ARHGEF38: variants seen among roughly 807,000 people sequenced by gnomAD.
ARHGEF38 encodes the protein Rho guanine nucleotide exchange factor (GEF) 38.
ARHGEF38 carries 79 observed loss-of-function variants against 79.9 expected under a neutral mutation model. The ratio of observed to expected loss-of-function variants is 0.99; its 90% CI spans 0.82 to 1.19. ARHGEF38 has a LOEUF of 1.19. Among genes scored for constraint, ARHGEF38 ranks in the 50% most tolerant of loss-of-function variants. ARHGEF38 has a pLI of 0.00. For synonymous variants in ARHGEF38, 366 were observed against 328.3 expected (o/e 1.11, Z -1.24); for missense variants, 962 against 907.2 (o/e 1.06, Z -0.78).
At chr4:105,640,505 C>T (rs1729575490) in intron 5 of ARHGEF38, among the ~76,000 whole-genome samples, 1 of 152,108 alleles carries the variant, frequency 6.6e-6, no homozygotes, top group Non-Finnish European at 1.5e-5. Flanking sequence ...AGAGCCCCTT[C>T]CAGAGTCTCC....
At chr4:105,590,140 A>AAAAGAAAG (rs148409765) in intron 2 of ARHGEF38, among the ~76,000 whole-genome samples, 46 of 145,042 alleles carry the variant, frequency 3.2e-4, no homozygotes, top group African/African-American at 1.2e-3. Context: ...AGAAAGAAAA[A>AAAAGAAAG]AAAGAAAGAA....
chr4:105,597,052 C>A (rs952930432), intron 2 of ARHGEF38, among the ~76,000 whole-genome samples: 3 of 152,156 alleles, frequency 2.0e-5, no homozygotes, highest in Non-Finnish European at 2.9e-5. Context: ...CTCAGACCCC[C>A]AACTTGTCCA....
intron 1 of ARHGEF38, among the ~76,000 whole-genome samples, chr4:105,557,241 A>G (rs987541725): frequency 2.6e-5 from 4 of 152,138 alleles, no homozygotes; most frequent in Non-Finnish European, 5.9e-5. Context: ...GTATATATAT[A>G]TATCTCCAGT....
At chr4:105,619,216 G>T (rs1325267823) in intron 3 of ARHGEF38, among the ~76,000 whole-genome samples, 1 of 151,784 alleles carries the variant, frequency 6.6e-6, no homozygotes, top group Non-Finnish European at 1.5e-5. Flanking sequence ...TTTGATCAAT[G>T]AAATGAGGCA....
At chr4:105,630,038 A>G (rs1229413420) in intron 3 of ARHGEF38, among the ~76,000 whole-genome samples, 1 of 152,158 alleles carries the variant, frequency 6.6e-6, no homozygotes, top group African/African-American at 2.4e-5. Flanking sequence ...ATAAATTAAC[A>G]AAAAATTGCT....
chr4:105,613,357 T>C, intron 2 of ARHGEF38, 27 bp from the exon 3 acceptor site: 2 of 1,606,604 alleles, frequency 1.2e-6, no homozygotes, highest in Non-Finnish European at 8.5e-7. Flanking sequence ...TGCTTCTCCA[T>C]CAGCTCAATG....
intron 1 of ARHGEF38, among the ~76,000 whole-genome samples, chr4:105,582,107 G>A (rs897917475): frequency 2.0e-5 from 3 of 147,602 alleles, no homozygotes; most frequent in Non-Finnish European, 4.4e-5. Flanking sequence ...GGAGGTTACA[G>A]TGAGCCAAAA....
In ARHGEF38 at chr4:105,648,848, T is replaced by TTTC. The variant is rs1560746674; in HGVS notation, c.1008+167_1008+168insTCT. ...TCTCTCTCTCTCTCTCTCTCTCTCT[T>TTTC]TCTCTCTCTCTCTCTCTCTCTCTGG... On this transcript the variant is annotated intron_variant, in intron 7 of 13. Coordinates refer to ENST00000420470, the MANE Select transcript of ARHGEF38 (RefSeq NM_001242729.2). Among the ~76,000 whole-genome samples the TTTC allele has an allele frequency of 6.3e-4, 68 of 108,640 alleles. 1 individual carries two copies. The highest frequency in any genetic ancestry group is 2.3e-3 in the African/African-American group (41 of 18,026). The allele number at this position is 108,640 out of a possible 152,430, so 71.3% of individuals were successfully genotyped here.
chr4:105,669,419 A>G (rs1303961418), intron 13 of ARHGEF38, among the ~76,000 whole-genome samples: 1 of 152,220 alleles, frequency 6.6e-6, no homozygotes, highest in African/African-American at 2.4e-5. Flanking sequence ...TTGTATGAGT[A>G]TATAAGTGTA....
Position 105,661,474 on chromosome 4 carries a change from TTTATTATTATTATTATTATTA to T in ARHGEF38, c.1545+2133_1545+2153del, listed in dbSNP as rs140964351. Among the ~76,000 whole-genome samples the T allele has an allele frequency of 4.3e-4, 61 of 141,784 alleles. 1 individual carries two copies. The highest frequency in any genetic ancestry group is 1.5e-3 in the African/African-American group (57 of 38,784). 93.0% of individuals were successfully genotyped at this position (141,784 alleles called of 152,430 possible). On this transcript the variant is annotated intron_variant, in intron 10 of 13. Transcript: ENST00000420470. ...GAGAGTTTCAATTTCTCCACACCTC[TTTATTATTATTATTATTATTA>T]TTATTATTATTATTATTATTATTGT...
intron 3 of ARHGEF38, among the ~76,000 whole-genome samples, chr4:105,622,159 T>G (rs570052603): frequency 6.6e-6 from 1 of 152,218 alleles, no homozygotes; most frequent in South Asian, 2.1e-4. Context: ...ACAGTTCTGA[T>G]TTCTGAGGAG....
At chr4:105,570,322 T>A (rs886223363) in intron 1 of ARHGEF38, 1 of 152,216 alleles carries the variant, frequency 6.6e-6, no homozygotes, top group Non-Finnish European at 1.5e-5. Context: ...ATTGCAGTAA[T>A]AGTGTATAAT....
At chr4:105,657,051 TGATAGATAGATA>T (rs150437901) in intron 9 of ARHGEF38, among the ~76,000 whole-genome samples, 5 of 151,194 alleles carry the variant, frequency 3.3e-5, no homozygotes, top group African/African-American at 9.7e-5. Context: ...GATAGATAGA[TGATAGATAGATA>T]GATAGATAGA....
chr4:105,643,852 G>C (rs918857377), intron 5 of ARHGEF38, among the ~76,000 whole-genome samples: 1 of 149,402 alleles, frequency 6.7e-6, no homozygotes, highest in African/African-American at 2.5e-5. Flanking sequence ...GAATTAGATG[G>C]TCTCTAAGAT....
chr4:105,607,496 C>T (rs1011087348), intron 2 of ARHGEF38, among the ~76,000 whole-genome samples: 1 of 151,880 alleles, frequency 6.6e-6, no homozygotes, highest in African/African-American at 2.4e-5. Flanking sequence ...GTGTTAGACA[C>T]AGTAGAGTAC....
At chr4:105,681,616 A>G (rs569214708), downstream of ARHGEF38, among the ~76,000 whole-genome samples, 1 of 152,300 alleles carries the variant, frequency 6.6e-6, no homozygotes, top group East Asian at 1.9e-4. Context: ...CAAGTAAGAC[A>G]ACAACGCAGA....
At chr4:105,611,426 A>G (rs939710621) in intron 2 of ARHGEF38, among the ~76,000 whole-genome samples, 2 of 152,034 alleles carry the variant, frequency 1.3e-5, no homozygotes, top group African/African-American at 4.8e-5. Context: ...TTTAATTAAT[A>G]CCCAACACAT....
chr4:105,679,921 A>G lies in ARHGEF38; in HGVS notation c.*1984A>G. 7.1e-7 allele frequency: 1 copy of G among 1,399,834 alleles called. No homozygotes were observed. The highest frequency in any genetic ancestry group is 1.0e-6 in the Non-Finnish European group (1 of 989,464). 86.7% of individuals were successfully genotyped at this position (1,399,834 alleles called of 1,614,324 possible). A position where few individuals can be genotyped will look rare whatever the true frequency, so the allele number is the denominator to read the frequency against. On this transcript the variant is annotated 3_prime_UTR_variant, in exon 14 of 14. Coordinates refer to ENST00000420470, the MANE Select transcript of ARHGEF38 (RefSeq NM_001242729.2). ...CATTGGTTGCCACCAAAACTTTATAATTACCTCTCTGAAGCCTTTTAGTGT... is the reference window on the plus strand; with the variant it reads ...CATTGGTTGCCACCAAAACTTTATAGTTACCTCTCTGAAGCCTTTTAGTGT...
chr4:105,651,989 A>G (rs1366326524), intron 7 of ARHGEF38, among the ~76,000 whole-genome samples: 3 of 152,208 alleles, frequency 2.0e-5, no homozygotes, highest in African/African-American at 7.2e-5. Context: ...GAAATGTTAT[A>G]AGGCCAAGAC....
Sources: gnomAD v4.1 joint callset for allele counts (sites outside exome capture counted in the v4.1 genomes callset) on GRCh38, gnomAD v4.1.1 for gene constraint, MANE v1.5 for transcripts, NCBI Gene and HGNC (gene_info 2026-07-23, HGNC 2026-07-21) for gene names.